ZNF112: variants seen among roughly 807,000 people sequenced by gnomAD.
ZNF112 encodes zinc finger protein 112 (Y14).
Under a neutral mutation model 77.7 loss-of-function variants are expected in ZNF112, and 37 were observed. That is an observed-to-expected ratio of 0.48 (90% CI 0.37 to 0.63). The LOEUF (loss-of-function observed/expected upper bound fraction) is 0.63, where lower values mean the gene tolerates loss of function less well. Ranked by LOEUF, ZNF112 falls within the 20% of genes least tolerant of loss-of-function variation. ZNF112 has a pLI of 0.00. For missense variants in ZNF112, 950 were observed against 1,077.4 expected (o/e 0.88, Z 1.66); for synonymous variants, 333 against 363.6 (o/e 0.92, Z 0.96).
chr19:44,338,449 A>G (rs1970428827), intron 2 of ZNF112, among the ~76,000 whole-genome samples: 1 of 152,194 alleles, frequency 6.6e-6, no homozygotes, highest in Admixed American at 6.5e-5. Context: ...ACTGCATAAC[A>G]TCGTGACTGG....
chr19:44,331,714 G>C (rs1372397169), intron 3 of ZNF112, among the ~76,000 whole-genome samples: 1 of 152,148 alleles, frequency 6.6e-6, no homozygotes, highest in African/African-American at 2.4e-5. Context: ...ACTGCCAAGT[G>C]AACAGTAGTT....
chr19:44,359,315 C>CTTTTTTTTTTTTTT (rs767955186), upstream of ZNF112, among the ~76,000 whole-genome samples: 2 of 54,858 alleles, frequency 3.6e-5, no homozygotes, highest in African/African-American at 1.4e-4. Context: ...TATTAGAGTT[C>CTTTTTTTTTTTTTT]TTTTTTTTTT....
intron 1 of ZNF112, chr19:44,343,319 GGGT>G: frequency 6.4e-7 from 1 of 1,560,236 alleles, no homozygotes; most frequent in African/African-American, 1.4e-5. Context: ...AGGCAGAACA[GGGT>G]AATACGAAAG....
chr19:44,359,931 C>T (rs1970838216), upstream of ZNF112, among the ~76,000 whole-genome samples: 1 of 152,054 alleles, frequency 6.6e-6, no homozygotes, highest in Non-Finnish European at 1.5e-5. Context: ...ATAACACTGA[C>T]AAAATTTGTG....
chr19:44,358,320 A>C (rs1014556666), upstream of ZNF112, among the ~76,000 whole-genome samples: 2 of 152,204 alleles, frequency 1.3e-5, no homozygotes, highest in African/African-American at 2.4e-5. Context: ...TTTTAAAAAT[A>C]AAAGGGACAG....
At chr19:44,359,255 G>C (rs1364461708), upstream of ZNF112, among the ~76,000 whole-genome samples, 1 of 148,410 alleles carries the variant, frequency 6.7e-6, no homozygotes, top group African/African-American at 2.5e-5. Flanking sequence ...ACCTCAGGTG[G>C]TTGCTGCTTG....
At chr19:44,346,096 A>G (rs555261465) in intron 1 of ZNF112, among the ~76,000 whole-genome samples, 7 of 152,344 alleles carry the variant, frequency 4.6e-5, no homozygotes, top group Admixed American at 4.6e-4. Flanking sequence ...GCTCTGTGAT[A>G]CCTTTAAGAA....
chr19:44,353,780 A>T (rs141201249), intron 1 of ZNF112, among the ~76,000 whole-genome samples: 1,775 of 152,232 alleles, frequency 0.012, 30 homozygotes, highest in African/African-American at 0.04. Context: ...TTTCTACATC[A>T]TTAGTGAGAA....
rs191918387 is a variant in ZNF112, at chr19:44,342,690, C to A, written c.-3-2148G>T. ...AAATAGCTCGGTGTGGTGGCAGGCA[C>A]CTGTAATCCCAGCTACTCGGGAGGC... On this transcript the variant is annotated intron_variant, in intron 1 of 3. Transcript: ENST00000354340. Among the ~76,000 whole-genome samples the A allele has an allele frequency of 1.2e-3, 184 of 152,024 alleles. 2 individuals carry two copies. The highest frequency in any genetic ancestry group is 3.9e-3 in the African/African-American group (162 of 41,472).
chr19:44,334,138 A>G (rs555878504), intron 3 of ZNF112, among the ~76,000 whole-genome samples: 1 of 152,286 alleles, frequency 6.6e-6, no homozygotes, highest in Non-Finnish European at 1.5e-5. Context: ...GCATTTATAC[A>G]TTTTCCCAAC....
At chr19:44,343,996 C>A (rs1246983424) in intron 1 of ZNF112, among the ~76,000 whole-genome samples, 1 of 152,226 alleles carries the variant, frequency 6.6e-6, no homozygotes, top group East Asian at 1.9e-4. Context: ...ATACTATATA[C>A]ATCGAGACCA....
At chr19:44,362,081 T>G (rs1389077458) in intron 1 of ZNF112, among the ~76,000 whole-genome samples, 1 of 152,182 alleles carries the variant, frequency 6.6e-6, no homozygotes, top group Non-Finnish European at 1.5e-5. Context: ...ATGAACATAC[T>G]GATCAGGTGT....
At chr19:44,358,972 T>C (rs184021020), upstream of ZNF112, among the ~76,000 whole-genome samples, 431 of 152,282 alleles carry the variant, frequency 2.8e-3, 2 homozygotes, top group African/African-American at 8.8e-3. Flanking sequence ...CCAGCAGTAC[T>C]TTTTCTTGTA....
At chr19:44,337,317 T>C (rs1970388892) in intron 2 of ZNF112, among the ~76,000 whole-genome samples, 1 of 106,700 alleles carries the variant, frequency 9.4e-6, no homozygotes, top group African/African-American at 4.2e-5. Context: ...ATATTTTGTA[T>C]ATGTATAAAA....
chr19:44,345,391 T>C (rs1268819635), intron 1 of ZNF112, among the ~76,000 whole-genome samples: 7 of 152,170 alleles, frequency 4.6e-5, no homozygotes, highest in Non-Finnish European at 8.8e-5. Context: ...TTAAATGATG[T>C]TCTTGGAGCT....
At chr19:44,359,213 G>A (rs903684133), upstream of ZNF112, among the ~76,000 whole-genome samples, 7 of 147,394 alleles carry the variant, frequency 4.7e-5, no homozygotes, top group African/African-American at 1.5e-4. Flanking sequence ...CTAAGTTTTA[G>A]TAATTCTGGT....
At chr19:44,340,082 T>G (rs1428477863) in intron 2 of ZNF112, among the ~76,000 whole-genome samples, 3 of 133,302 alleles carry the variant, frequency 2.3e-5, no homozygotes, top group Non-Finnish European at 4.7e-5. Context: ...GAGTTTAAAG[T>G]TATTTACAAA....
At chr19:44,336,825 C>A in intron 2 of ZNF112, 107 bp from the exon 3 acceptor site, 1 of 812,444 alleles carries the variant, frequency 1.2e-6, no homozygotes, top group Non-Finnish European at 2.1e-6. Context: ...CTCCCACATC[C>A]CTTCCACCCT....
In ZNF112 at chr19:44,354,586, G is replaced by T. The variant is rs1970752075; in HGVS notation, c.-4+2040C>A. On this transcript the variant is annotated intron_variant, in intron 1 of 3. Transcript: ENST00000354340. ...AGTGAGATTAAGGAATATATCCAGG[G>T]GTTATTTCTATTCTATTTTGATACC... Among the ~76,000 whole-genome samples, 3 of 151,948 alleles carry T rather than the reference G, an allele frequency of 2.0e-5. No individual in the cohort carries two copies. The South Asian group carries it at 6.2e-4, about 31-fold the overall frequency.
Sources: allele counts gnomAD v4.1 joint callset (sites outside exome capture counted in the v4.1 genomes callset), GRCh38; gene constraint gnomAD v4.1.1; transcripts MANE v1.5; gene names NCBI Gene and HGNC (gene_info 2026-07-23, HGNC 2026-07-21).